The following NRXN3 variants were observed in gnomAD, a reference collection of about 807,000 sequenced individuals.
The protein encoded by NRXN3 is neurexin III.
In NRXN3, 32 loss-of-function variants were observed where a neutral mutation model predicts 137.6. That is an observed-to-expected ratio of 0.23 (90% confidence interval 0.18 to 0.31). The LOEUF (loss-of-function observed/expected upper bound fraction) is 0.31, where lower values mean the gene tolerates loss of function less well. Among genes scored for constraint, NRXN3 ranks in the 10% least tolerant of loss-of-function variants. The pLI is 1.00. For synonymous variants in NRXN3, 798 were observed against 784.5 expected, an observed-to-expected ratio of 1.02 and a Z score of -0.29; for missense variants, 1,574 against 2,062.5, an observed-to-expected ratio of 0.76 and a Z score of 4.59.
chr14:78,809,200 C>T (rs749908413), intron 9 of NRXN3, among the ~76,000 whole-genome samples: 3 of 152,164 alleles, frequency 2.0e-5, no homozygotes, highest in Non-Finnish European at 2.9e-5. Flanking sequence ...ATGCTGATCT[C>T]TGGCACAGAA....
At chr14:78,295,767 A>T (rs2076252841) in intron 3 of NRXN3, among the ~76,000 whole-genome samples, 1 of 152,138 alleles carries the variant, frequency 6.6e-6, no homozygotes, top group Admixed American at 6.5e-5. Context: ...TTGTCAGTGA[A>T]ATACACTTTG....
Position 78,709,297 on chromosome 14 carries a change from C to T in NRXN3, c.1302C>T (p.Gly434=), listed in dbSNP as rs765292135. Residue 434 remains glycine (G), a synonymous_variant, in exon 7 of 21, where the codon GGC becomes GGT. Coordinates refer to ENST00000335750, the MANE Select transcript of NRXN3 (RefSeq NM_001330195.2). ...RIADTKMKIY[G]EVVFKCENVA... is the part of the protein sequence containing the mutation. ...CGGACACCAAGATGAAAATCTATGG[C>T]GAAGTTGTGTTTAAGTGTGAGAATG... The T allele has an allele frequency of 1.3e-5, 21 of 1,613,964 alleles. No individual in the cohort carries two copies. Among genetic ancestry groups the T allele is most frequent in the South Asian group, 3.3e-5 (3 of 91,074 alleles).
chr14:79,027,052 G>A (rs962766234), intron 15 of NRXN3, among the ~76,000 whole-genome samples: 2 of 142,046 alleles, frequency 1.4e-5, no homozygotes, highest in African/African-American at 5.3e-5. Context: ...CCAAAAAGCA[G>A]GACAACATTT....
intron 16 of NRXN3, among the ~76,000 whole-genome samples, chr14:79,586,398 TTTTC>T (rs2097765529): frequency 6.6e-6 from 1 of 152,216 alleles, no homozygotes; most frequent in African/African-American, 2.4e-5. Flanking sequence ...TTTGTTTTTG[TTTTC>T]TTTATTTTCA....
intron 1 of NRXN3, among the ~76,000 whole-genome samples, chr14:78,191,738 G>A (rs545299192): frequency 8.5e-5 from 13 of 152,290 alleles, no homozygotes; most frequent in African/African-American, 2.9e-4. Flanking sequence ...TCTTGAGATG[G>A]AAATGATGGG....
At chr14:78,216,806 C>G (rs1170140097) in intron 1 of NRXN3, among the ~76,000 whole-genome samples, 1 of 152,182 alleles carries the variant, frequency 6.6e-6, no homozygotes, top group Non-Finnish European at 1.5e-5. Flanking sequence ...AAGATTCCTT[C>G]CTCGCCTCTT....
rs2080820961 is a variant in NRXN3 at position 78,331,544 on chromosome 14, G to A, written c.757+33684G>A. ...AATCTCAGCAACATAAAAAGGCAGAGTGTTTACCAAATCTTTGAAACAGCT... is the reference window on the plus strand; with the variant it reads ...AATCTCAGCAACATAAAAAGGCAGAATGTTTACCAAATCTTTGAAACAGCT... On this transcript the variant is annotated intron_variant, in intron 4 of 20. Transcript: ENST00000335750. Among the ~76,000 whole-genome samples, 4 of 152,296 alleles carry A rather than the reference G, an allele frequency of 2.6e-5. No homozygotes were observed. The South Asian group carries it at 8.3e-4, about 32-fold the overall frequency.
intron 1 of NRXN3, among the ~76,000 whole-genome samples, chr14:78,189,367 C>T (rs2060509308): frequency 6.6e-6 from 1 of 152,170 alleles, no homozygotes; most frequent in Non-Finnish European, 1.5e-5. Context: ...AAACCCTCTG[C>T]TGGCCTCCTG....
intron 10 of NRXN3, among the ~76,000 whole-genome samples, chr14:78,858,711 T>C (rs916214308): frequency 6.6e-6 from 1 of 152,202 alleles, no homozygotes; most frequent in Non-Finnish European, 1.5e-5. Context: ...GACTCAGGTT[T>C]CCGGAGGACT....
At chr14:78,869,341 A>G (rs1291056119) in intron 10 of NRXN3, among the ~76,000 whole-genome samples, 3 of 152,078 alleles carry the variant, frequency 2.0e-5, no homozygotes, top group East Asian at 1.9e-4. Context: ...TTTATTCGCT[A>G]TTTCTATTTC....
At chr14:79,270,841 G>C (rs1282264818) in intron 15 of NRXN3, among the ~76,000 whole-genome samples, 1 of 152,126 alleles carries the variant, frequency 6.6e-6, no homozygotes, top group Admixed American at 6.5e-5. Context: ...TTACATTTCA[G>C]TATCCCCCAC....
At chr14:78,320,097 G>T (rs886692824) in intron 4 of NRXN3, among the ~76,000 whole-genome samples, 1 of 152,176 alleles carries the variant, frequency 6.6e-6, no homozygotes, top group African/African-American at 2.4e-5. Flanking sequence ...TTTACCTGGT[G>T]TCTTCAGGGA....
intron 4 of NRXN3, among the ~76,000 whole-genome samples, chr14:78,301,154 T>TGG (rs11399821): frequency 3.5e-4 from 53 of 151,462 alleles, no homozygotes; most frequent in South Asian, 1.3e-3. Flanking sequence ...AATGTGGAAT[T>TGG]GGGGGGGATA....
intron 10 of NRXN3, among the ~76,000 whole-genome samples, chr14:78,870,551 G>A (rs145377137): frequency 2.0e-5 from 3 of 152,032 alleles, no homozygotes; most frequent in African/African-American, 7.2e-5. Flanking sequence ...TGCTCTTTTA[G>A]TTATTTTGAA....
chr14:78,625,708 T>A (rs552667995), intron 4 of NRXN3, among the ~76,000 whole-genome samples: 2 of 152,284 alleles, frequency 1.3e-5, no homozygotes, highest in African/African-American at 4.8e-5. Flanking sequence ...ATCAGTCACA[T>A]CCTCAGAACT....
chr14:79,209,536 T>A (rs2067321991), intron 15 of NRXN3, among the ~76,000 whole-genome samples: 1 of 152,230 alleles, frequency 6.6e-6, no homozygotes, highest in Admixed American at 6.5e-5. Context: ...TCAGTTCACA[T>A]GTTACCTTTG....
intron 16 of NRXN3, among the ~76,000 whole-genome samples, chr14:79,560,599 C>T (rs1467965268): frequency 2.1e-5 from 3 of 146,164 alleles, no homozygotes; most frequent in Non-Finnish European, 4.5e-5. Flanking sequence ...CAACCTCCGC[C>T]TCTTGGGTTG....
chr14:79,536,915 A>T (rs2097216788), intron 16 of NRXN3, among the ~76,000 whole-genome samples: 1 of 152,170 alleles, frequency 6.6e-6, no homozygotes, highest in Non-Finnish European at 1.5e-5. Context: ...TGCTCCAATG[A>T]ACATATGTGT....
intron 16 of NRXN3, among the ~76,000 whole-genome samples, chr14:79,511,986 G>A: frequency 6.6e-6 from 1 of 152,130 alleles, no homozygotes. Context: ...TGCAACCTCT[G>A]CCTCCCGGGT....
Sources: allele counts gnomAD v4.1 joint callset (sites outside exome capture counted in the v4.1 genomes callset), GRCh38; gene constraint gnomAD v4.1.1; transcripts MANE v1.5; gene names NCBI Gene and HGNC (gene_info 2026-07-23, HGNC 2026-07-21).